The following AKAP6 variants were observed in gnomAD, a reference collection of about 807,000 sequenced individuals.
AKAP6 encodes the protein A-kinase anchor protein 6.
A neutral mutation model predicts 188.5 loss-of-function variants in AKAP6; 58 were observed. The observed-to-expected ratio is 0.31, with a 90% confidence interval of 0.25 to 0.38. AKAP6 has a LOEUF of 0.38. Ranked by LOEUF, AKAP6 falls within the 10% of genes least tolerant of loss-of-function variation. The pLI, the probability that AKAP6 is intolerant of heterozygous loss-of-function variation, is 1.00. For synonymous variants in AKAP6, 989 were observed against 998.6 expected, an observed-to-expected ratio of 0.99 and a Z score of 0.18; for missense variants, 2,710 against 2,740.0, an observed-to-expected ratio of 0.99 and a Z score of 0.24.
At chr14:32,478,190 A>T (rs1284212049) in intron 2 of AKAP6, among the ~76,000 whole-genome samples, 1 of 152,190 alleles carries the variant, frequency 6.6e-6, no homozygotes, top group Admixed American at 6.5e-5. Context: ...TTATTCAGTG[A>T]TTAAGAGCCA....
At chr14:32,483,125 C>A (rs2138908966) in intron 2 of AKAP6, among the ~76,000 whole-genome samples, 1 of 152,052 alleles carries the variant, frequency 6.6e-6, no homozygotes, top group East Asian at 1.9e-4. Context: ...CACATCCTCA[C>A]CAATATTTTA....
At chr14:32,741,345 A>G (rs2031664763) in intron 11 of AKAP6, among the ~76,000 whole-genome samples, 1 of 151,952 alleles carries the variant, frequency 6.6e-6, no homozygotes, top group Non-Finnish European at 1.5e-5. Flanking sequence ...TCTGATTTGG[A>G]TGCCTCTATT....
intron 2 of AKAP6, among the ~76,000 whole-genome samples, chr14:32,468,505 G>A (rs772070277): frequency 4.0e-5 from 6 of 151,306 alleles, no homozygotes; most frequent in Non-Finnish European, 5.9e-5. Context: ...GTTGATTCAA[G>A]TTTAGATCTC....
chr14:32,790,176 AGAACAAAAAGGAAT>A (rs1457848584), intron 12 of AKAP6, among the ~76,000 whole-genome samples: 4 of 152,220 alleles, frequency 2.6e-5, no homozygotes, highest in East Asian at 1.9e-4. Context: ...ATAGGGAAAA[AGAACAAAAAGGAAT>A]GAACAAAACC....
intron 1 of AKAP6, among the ~76,000 whole-genome samples, chr14:32,423,703 G>A (rs935807908): frequency 2.6e-5 from 4 of 152,154 alleles, no homozygotes; most frequent in African/African-American, 9.7e-5. Flanking sequence ...TGTGGGGAAT[G>A]TGGGGCTAAA....
At chr14:32,573,996 T>C (rs1459089992) in intron 4 of AKAP6, among the ~76,000 whole-genome samples, 1 of 152,156 alleles carries the variant, frequency 6.6e-6, no homozygotes, top group African/African-American at 2.4e-5. Flanking sequence ...CTGAGTGAAG[T>C]GGAAAAATAG....
intron 12 of AKAP6, among the ~76,000 whole-genome samples, chr14:32,779,056 C>T (rs903728461): frequency 2.4e-4 from 37 of 151,922 alleles, no homozygotes; most frequent in South Asian, 6.2e-4. Flanking sequence ...GAACAATGAT[C>T]GGATTAGGTT....
chr14:32,742,290 C>A (rs549943139), intron 11 of AKAP6, among the ~76,000 whole-genome samples: 94 of 151,552 alleles, frequency 6.2e-4, no homozygotes, highest in Non-Finnish European at 1.1e-3. Context: ...GAAGGTTTTT[C>A]AATTTTGTTG....
chr14:32,579,746 G>A (rs1181120798), intron 5 of AKAP6, among the ~76,000 whole-genome samples: 1 of 151,986 alleles, frequency 6.6e-6, no homozygotes, highest in African/African-American at 2.4e-5. Flanking sequence ...TTTCTTTACT[G>A]TCATGCTGAA....
rs1166557034 is a variant in AKAP6, at chr14:32,834,170, A to G, written c.*4365A>G. The G allele has an allele frequency of 6.6e-6, 1 of 152,262 alleles. No individual in the cohort carries two copies. The highest frequency in any genetic ancestry group is 2.4e-5 in the African/African-American group (1 of 41,464). The allele number at this position is 152,262 out of a possible 1,614,324, so 9.4% of individuals were successfully genotyped here. A position where few individuals can be genotyped will look rare whatever the true frequency, so the allele number is the denominator to read the frequency against. ...CACTTTGGGAGGCCAAGGCGTGTGGATCACCTAAGGTCAGGAGTTCGAGAT... is the reference window on the plus strand; with the variant it reads ...CACTTTGGGAGGCCAAGGCGTGTGGGTCACCTAAGGTCAGGAGTTCGAGAT... On this transcript the variant is annotated 3_prime_UTR_variant, in exon 14 of 14. Transcript: ENST00000280979.
chr14:32,669,820 G>A (rs1379824366), intron 7 of AKAP6, among the ~76,000 whole-genome samples: 8 of 152,158 alleles, frequency 5.3e-5, no homozygotes, highest in Non-Finnish European at 1.0e-4. Context: ...AACATAGGTG[G>A]GCATGGTGGC....
chr14:32,416,822 A>G (rs1594592774), intron 1 of AKAP6, among the ~76,000 whole-genome samples: 1 of 150,538 alleles, frequency 6.6e-6, no homozygotes, highest in African/African-American at 2.5e-5. Context: ...CACAAAGTGT[A>G]TTTTTTCTTG....
At position 32,523,972 on chromosome 14, in the gene AKAP6, T is replaced by C. The variant is rs567186635; in HGVS notation, c.325-11582T>C. Reference sequence around the variant, plus strand: ...AACAAATCCAAATTGTGGAAAACTCTGCAGGTCTAATGCCCGAAGTTCTTC... The same window carrying C: ...AACAAATCCAAATTGTGGAAAACTCCGCAGGTCTAATGCCCGAAGTTCTTC... On this transcript the variant is annotated intron_variant, in intron 2 of 13. Coordinates refer to ENST00000280979, the MANE Select transcript of AKAP6 (RefSeq NM_004274.5). Among the ~76,000 whole-genome samples the C allele has an allele frequency of 8.3e-4, 127 of 152,224 alleles. 1 individual carries two copies. The highest frequency in any genetic ancestry group is 3.0e-3 in the African/African-American group (123 of 41,522).
At chr14:32,722,893 G>T (rs145749688) in intron 9 of AKAP6, among the ~76,000 whole-genome samples, 1 of 152,164 alleles carries the variant, frequency 6.6e-6, no homozygotes, top group Non-Finnish European at 1.5e-5. Flanking sequence ...CTGACTCTTC[G>T]CTAAGCTGTT....
intron 1 of AKAP6, among the ~76,000 whole-genome samples, chr14:32,400,526 C>A (rs75620604): frequency 9.0e-6 from 1 of 111,608 alleles, no homozygotes; most frequent in South Asian, 3.1e-4. Flanking sequence ...AGGTGCTTGG[C>A]GGCAGGAGTA....
intron 9 of AKAP6, among the ~76,000 whole-genome samples, chr14:32,730,345 C>T (rs996994499): frequency 1.3e-5 from 2 of 152,134 alleles, no homozygotes; most frequent in African/African-American, 4.8e-5. Context: ...CACATAAAGA[C>T]AAGTTTCTTT....
intron 11 of AKAP6, among the ~76,000 whole-genome samples, chr14:32,757,054 C>T (rs552041453): frequency 2.9e-4 from 44 of 152,272 alleles, no homozygotes; most frequent in African/African-American, 9.6e-4. Flanking sequence ...AAGTCAGGTA[C>T]TCAATTCATT....
chr14:32,546,625 C>T lies in AKAP6; in HGVS notation c.1972C>T (p.Pro658Ser). The change falls in exon 4 of 14, where the codon CCC (proline) becomes TCC (serine). Residue 658 changes from proline (P) to serine (S), a missense_variant. Transcript: ENST00000280979. ...CCTAACAAAGCTTCTGCCTCAGAAACCCAGAGGAGAAACCATCCAGAATAT... is the reference window on the plus strand; with the variant it reads ...CCTAACAAAGCTTCTGCCTCAGAAATCCAGAGGAGAAACCATCCAGAATAT... ...ENLTKLLPQKPRGETIQNIDD... is the reference protein window; with the variant it reads ...ENLTKLLPQKSRGETIQNIDD... The T allele has an allele frequency of 6.2e-7, 1 of 1,614,114 alleles. No homozygotes were observed. Among genetic ancestry groups the T allele is most frequent in the Non-Finnish European group, 8.5e-7 (1 of 1,180,010 alleles).
intron 5 of AKAP6, among the ~76,000 whole-genome samples, chr14:32,578,789 AGC>A (rs1884840869): frequency 6.6e-6 from 1 of 152,134 alleles, no homozygotes; most frequent in African/African-American, 2.4e-5. Flanking sequence ...ATTTATTGAA[AGC>A]CGGGCTAGGA....
Sources: gnomAD v4.1 joint callset for allele counts (sites outside exome capture counted in the v4.1 genomes callset) on GRCh38, gnomAD v4.1.1 for gene constraint, MANE v1.5 for transcripts, NCBI Gene and HGNC (gene_info 2026-07-23, HGNC 2026-07-21) for gene names.